Variants in EIF5B observed in about 807,000 individuals in gnomAD.
EIF5B encodes eIF-5B.
In EIF5B, 47 loss-of-function variants were observed where a neutral mutation model predicts 147.5. The ratio of observed to expected loss-of-function variants is 0.32; its 90% CI spans 0.25 to 0.41. The LOEUF (loss-of-function observed/expected upper bound fraction) is 0.41, where lower values mean the gene tolerates loss of function less well. Among genes scored for constraint, EIF5B ranks in the 10% least tolerant of loss-of-function variants. The pLI is 1.00. For missense variants in EIF5B, 1,064 were observed against 1,413.2 expected, an observed-to-expected ratio of 0.75 and a Z score of 3.96; for synonymous variants, 455 against 456.2, an observed-to-expected ratio of 1.00 and a Z score of 0.03.
At chr2:99,384,606 T>A (rs1269964788) in intron 14 of EIF5B, among the ~76,000 whole-genome samples, 4 of 152,266 alleles carry the variant, frequency 2.6e-5, no homozygotes, top group Non-Finnish European at 5.9e-5. Context: ...CTGGATGTTA[T>A]GAAGAACGTT....
In EIF5B at chr2:99,382,874, A is replaced by G. The variant is rs1327773759; in HGVS notation, c.2224A>G (p.Asn742Asp). ...GGAGCCCCAGACAATTGAGTCTATC[A>G]ACCTTCTCAAATCTAAAAAATGTCC... Reference protein sequence around the residue: ...GLEPQTIESINLLKSKKCPFI... With the variant: ...GLEPQTIESIDLLKSKKCPFI... The change falls in exon 14 of 24, where the codon AAC (asparagine) becomes GAC (aspartate). Residue 742 changes from asparagine to aspartate, a missense_variant. Asn to Asp is a conservative substitution (Grantham distance 23). Transcript: ENST00000289371. The G allele has an allele frequency of 1.2e-6, 2 of 1,611,618 alleles. No individual in the cohort carries two copies. Among genetic ancestry groups the G allele is most frequent in the Non-Finnish European group, 1.7e-6 (2 of 1,179,172 alleles).
chr2:99,343,441 G>C (rs1479606878), intron 1 of EIF5B, among the ~76,000 whole-genome samples: 1 of 151,922 alleles, frequency 6.6e-6, no homozygotes, highest in African/African-American at 2.4e-5. Flanking sequence ...TTTTGTTGTT[G>C]TTGCTTGCAT....
At chr2:99,394,980 A>G in intron 21 of EIF5B, 97 bp downstream of exon 21, 1 of 1,145,776 alleles carries the variant, frequency 8.7e-7, no homozygotes, top group South Asian at 1.6e-5. Flanking sequence ...AAATCATGGC[A>G]TTTACTCATC....
At chr2:99,379,593 A>C (rs962597420) in intron 12 of EIF5B, among the ~76,000 whole-genome samples, 165 bp downstream of exon 12, 1 of 152,198 alleles carries the variant, frequency 6.6e-6, no homozygotes, top group Non-Finnish European at 1.5e-5. Flanking sequence ...ATTCTTTTTA[A>C]AGAATAAAAC....
At chr2:99,393,618 C>T (rs1247168563) in intron 18 of EIF5B, among the ~76,000 whole-genome samples, 1 of 151,816 alleles carries the variant, frequency 6.6e-6, no homozygotes, top group Non-Finnish European at 1.5e-5. Context: ...TACAACTGTT[C>T]CCAGCACATG....
At chr2:99,371,806 C>G (rs1559252641) in intron 9 of EIF5B, 76 bp downstream of exon 9, 1 of 1,338,172 alleles carries the variant, frequency 7.5e-7, no homozygotes, top group East Asian at 2.6e-5. Flanking sequence ...AATGAATAGT[C>G]TTTTGATTAT....
At position 99,394,338 on chromosome 2, in the gene EIF5B, G is replaced by A. The variant is rs1378546212; in HGVS notation, c.2952G>A (p.Gln984=). The change falls in exon 19 of 24, where the codon CAG becomes CAA. Residue 984 remains glutamine, a synonymous_variant. Transcript: ENST00000289371. Reference sequence around the variant, plus strand: ...TAGAAGAAAAAGGAGTCTATGTCCAGGCATCTACACTGGGTTCTTTGGAAG... The same window carrying A: ...TAGAAGAAAAAGGAGTCTATGTCCAAGCATCTACACTGGGTTCTTTGGAAG... The part of the protein sequence containing the change: ...IKLEEKGVYV[Q]ASTLGSLEAL... 2.5e-6 allele frequency: 4 copies of A among 1,613,938 alleles called. No homozygotes were observed. Among genetic ancestry groups the A allele is most frequent in the Non-Finnish European group, 3.4e-6 (4 of 1,180,016 alleles).
At chr2:99,350,897 T>A (rs571156326) in intron 1 of EIF5B, among the ~76,000 whole-genome samples, 1 of 152,334 alleles carries the variant, frequency 6.6e-6, no homozygotes, top group East Asian at 1.9e-4. Context: ...GAGATGAGAA[T>A]GAAGAAATAA....
chr2:99,345,914 A>C (rs2094272341), intron 1 of EIF5B, among the ~76,000 whole-genome samples: 1 of 149,868 alleles, frequency 6.7e-6, no homozygotes, highest in Non-Finnish European at 1.5e-5. Context: ...ACTGCACTTC[A>C]GCCTGGGTGA....
intron 14 of EIF5B, among the ~76,000 whole-genome samples, chr2:99,386,077 T>C (rs1674801114): frequency 6.6e-6 from 1 of 152,272 alleles, no homozygotes; most frequent in Non-Finnish European, 1.5e-5. Flanking sequence ...TATTTTTGAA[T>C]AGTAGTCCAT....
chr2:99,349,445 A>G (rs1673857456), intron 1 of EIF5B, among the ~76,000 whole-genome samples: 1 of 152,258 alleles, frequency 6.6e-6, no homozygotes, highest in Non-Finnish European at 1.5e-5. Flanking sequence ...AGATTTGTAC[A>G]TGAGGTTAAT....
chr2:99,339,298 C>T (rs999563847), intron 1 of EIF5B, among the ~76,000 whole-genome samples: 3 of 151,988 alleles, frequency 2.0e-5, no homozygotes, highest in Admixed American at 1.3e-4. Context: ...CAGGCGTGAT[C>T]CATCGCCCCT....
At chr2:99,395,826 G>A (rs190363193) in intron 21 of EIF5B, among the ~76,000 whole-genome samples, 2 of 152,282 alleles carry the variant, frequency 1.3e-5, no homozygotes, top group South Asian at 2.1e-4. Flanking sequence ...ACAGCAGTGC[G>A]AGGCAGAGTG....
chr2:99,338,993 A>AATATATATATACACAAATATAT (rs376574073), intron 1 of EIF5B, among the ~76,000 whole-genome samples: 2 of 132,726 alleles, frequency 1.5e-5, no homozygotes, highest in Non-Finnish European at 3.2e-5. Context: ...TATATACACA[A>AATATATATATACACAAATATAT]ATATATATAT....
intron 6 of EIF5B, among the ~76,000 whole-genome samples, chr2:99,367,067 A>T (rs1674342335): frequency 6.6e-6 from 1 of 152,240 alleles, no homozygotes; most frequent in Non-Finnish European, 1.5e-5. Context: ...AATGTAAAAT[A>T]TACAATAATA....
chr2:99,367,452 T>C (rs1183533897), intron 6 of EIF5B, among the ~76,000 whole-genome samples: 1 of 151,886 alleles, frequency 6.6e-6, no homozygotes, highest in Non-Finnish European at 1.5e-5. Flanking sequence ...TTTCTCTCTT[T>C]TTTTGAGACA....
chr2:99,338,419 A>G (rs2094249523), intron 1 of EIF5B: 5 of 983,256 alleles, frequency 5.1e-6, no homozygotes, highest in Non-Finnish European at 7.0e-6. Flanking sequence ...CTGTTACATT[A>G]CACGTTCGTA....
chr2:99,342,029 A>G (rs1393413760), intron 1 of EIF5B, among the ~76,000 whole-genome samples: 2 of 152,222 alleles, frequency 1.3e-5, no homozygotes, highest in East Asian at 3.8e-4. Flanking sequence ...TTCCCTAAAG[A>G]GACCTTGGGA....
chr2:99,390,418 C>A lies in EIF5B; in HGVS notation c.2586+17C>A. 1 of 1,559,688 alleles carries A rather than the reference C, an allele frequency of 6.4e-7. No individual in the cohort carries two copies. On this transcript the variant is annotated intron_variant, in intron 16 of 23. Transcript: ENST00000289371. ...GTGATGGAGGTAATGATCAACTTTT[C>A]AGTTTATTGTTTTTTTTTTTTTTAA...
Sources: allele counts gnomAD v4.1 joint callset (sites outside exome capture counted in the v4.1 genomes callset), GRCh38; gene constraint gnomAD v4.1.1; transcripts MANE v1.5; gene names NCBI Gene and HGNC (gene_info 2026-07-23, HGNC 2026-07-21).